CDKN2B-AS1: variants seen among roughly 807,000 people sequenced by gnomAD.
CDKN2B-AS1 encodes the protein CDKN2B and CDKN2A antisense cis and trans regulatory RNA 1, also known as CDKN2B antisense RNA 1 (non-protein coding).
rs1476843085 is a variant in CDKN2B-AS1, at chr9:22,006,296, G to C, written n.29+11135G>C. 6 of 1,598,546 alleles carry C rather than the reference G, an allele frequency of 3.8e-6. No homozygotes were observed. The highest frequency in any genetic ancestry group is 5.1e-6 in the Non-Finnish European group (6 of 1,179,442). ...AGAGCCAGGGTGGGGGCAGGTATGG[G>C]AGATGCCGGCCGGGGCAAGGCAGGT... is the stretch of plus-strand genomic sequence containing the variant. On this transcript the variant is annotated intron_variant and non_coding_transcript_variant, in intron 1 of 4. Transcript: ENST00000650946. The surrounding 1 kb of genome is among the most constrained non-coding windows in gnomAD (Gnocchi z 6.4).
At position 22,017,690 on chromosome 9, in the gene CDKN2B-AS1, C is replaced by T. The variant is rs914566699; in HGVS notation, n.29+22529C>T. Among the ~76,000 whole-genome samples the T allele has an allele frequency of 2.6e-5, 4 of 152,144 alleles. No individual in the cohort carries two copies. The East Asian group carries it at 7.7e-4, about 29-fold the overall frequency. ...TTACCAGAAATTTTTATATGAACAA[C>T]ATATTGAAGTTATTAAGTTAATGAA... is the stretch of plus-strand genomic sequence containing the variant. On this transcript the variant is annotated intron_variant and non_coding_transcript_variant, in intron 1 of 4. Transcript: ENST00000650946.
intron 4 of CDKN2B-AS1, chr9:22,118,373 GA>G (rs1391323535): frequency 6.6e-6 from 1 of 152,106 alleles, no homozygotes; most frequent in Admixed American, 6.6e-5. Flanking sequence ...AGTACCTGAA[GA>G]AAATCATTGC....
chr9:22,036,011 T>C (rs193176067), intron 1 of CDKN2B-AS1, among the ~76,000 whole-genome samples: 423 of 152,252 alleles, frequency 2.8e-3, no homozygotes, highest in African/African-American at 9.8e-3. Flanking sequence ...TTTCCACTAT[T>C]GGAAGGGATG....
intron 4 of CDKN2B-AS1, among the ~76,000 whole-genome samples, chr9:22,126,740 T>G (rs894700412): frequency 5.9e-5 from 9 of 151,928 alleles, no homozygotes; most frequent in Non-Finnish European, 1.3e-4. Flanking sequence ...ACCCGGCTAA[T>G]TTTTTGTATT....
intron 4 of CDKN2B-AS1, among the ~76,000 whole-genome samples, chr9:22,078,307 G>A (rs1324254433): frequency 3.3e-5 from 5 of 151,140 alleles, no homozygotes; most frequent in Admixed American, 6.6e-5. Flanking sequence ...TACTTGACTC[G>A]TATCAAACTT....
At chr9:22,123,822 AG>A (rs1826140634) in intron 4 of CDKN2B-AS1, among the ~76,000 whole-genome samples, 1 of 152,192 alleles carries the variant, frequency 6.6e-6, no homozygotes, top group South Asian at 2.1e-4. Context: ...CAAATGGAGA[AG>A]ACATTCTAAA....
intron 4 of CDKN2B-AS1, among the ~76,000 whole-genome samples, chr9:22,126,314 C>G (rs759799185): frequency 6.6e-6 from 1 of 152,068 alleles, no homozygotes; most frequent in African/African-American, 2.4e-5. Flanking sequence ...GTCGTTTCCT[C>G]TGGAGAATAA....
At chr9:22,008,258 T>A (rs1000932694) in intron 1 of CDKN2B-AS1, among the ~76,000 whole-genome samples, 1 of 152,190 alleles carries the variant, frequency 6.6e-6, no homozygotes, top group Non-Finnish European at 1.5e-5. Flanking sequence ...CTCTTATGCA[T>A]CACTCATAAG....
At chr9:22,040,549 C>G (rs1232181176) in intron 1 of CDKN2B-AS1, among the ~76,000 whole-genome samples, 1 of 151,902 alleles carries the variant, frequency 6.6e-6, no homozygotes, top group Admixed American at 6.6e-5. Flanking sequence ...TGAAGCCAAG[C>G]AGCTGTGCAA....
chr9:22,117,544 C>CTCCTTGCTAA (rs1174798241), intron 4 of CDKN2B-AS1: 1 of 152,152 alleles, frequency 6.6e-6, no homozygotes, highest in Non-Finnish European at 1.5e-5. Flanking sequence ...TCATACATCT[C>CTCCTTGCTAA]GGACTGGTTT....
intron 1 of CDKN2B-AS1, chr9:22,004,511 T>C (rs1821073197): frequency 4.3e-6 from 1 of 232,664 alleles, no homozygotes; most frequent in Non-Finnish European, 8.5e-6. Context: ...TCTCAGGAGT[T>C]AGTGGTAAAC....
intron 1 of CDKN2B-AS1, among the ~76,000 whole-genome samples, chr9:22,022,672 T>C (rs1822063563): frequency 6.6e-6 from 1 of 152,180 alleles, no homozygotes; most frequent in South Asian, 2.1e-4. Context: ...GTCATCATAA[T>C]GCTAGCTGGT....
chr9:22,099,981 A>G (rs1020316406), intron 4 of CDKN2B-AS1, among the ~76,000 whole-genome samples: 1 of 152,290 alleles, frequency 6.6e-6, no homozygotes, highest in South Asian at 2.1e-4. Flanking sequence ...TACATTTGAT[A>G]GTTTGAACTA....
chr9:22,113,399 GA>G (rs1825853977), intron 4 of CDKN2B-AS1, among the ~76,000 whole-genome samples: 1 of 152,200 alleles, frequency 6.6e-6, no homozygotes, highest in Admixed American at 6.5e-5. Context: ...ACCAGCAGAA[GA>G]GGCTTTTAAG....
At chr9:22,126,741 T>C (rs868860304) in intron 4 of CDKN2B-AS1, among the ~76,000 whole-genome samples, 46 of 151,804 alleles carry the variant, frequency 3.0e-4, no homozygotes, top group Middle Eastern at 3.2e-3. Flanking sequence ...CCCGGCTAAT[T>C]TTTTGTATTT....
intron 4 of CDKN2B-AS1, among the ~76,000 whole-genome samples, chr9:22,100,224 G>C (rs563876477): frequency 6.6e-6 from 1 of 152,080 alleles, no homozygotes; most frequent in Non-Finnish European, 1.5e-5. Context: ...ATTTTTAGTA[G>C]AGTCATTGAG....
chr9:22,099,900 C>G (rs922345504), intron 4 of CDKN2B-AS1, among the ~76,000 whole-genome samples: 5 of 152,044 alleles, frequency 3.3e-5, no homozygotes, highest in Non-Finnish European at 7.4e-5. Flanking sequence ...ACACCCGTGG[C>G]TTTTAGTGGG....
chr9:22,008,978 G>C, intron 1 of CDKN2B-AS1: 1 of 1,613,288 alleles, frequency 6.2e-7, no homozygotes, highest in Non-Finnish European at 8.5e-7. Context: ...ACGCGCAGCG[G>C]CCCGGATAAT....
chr9:22,087,020 C>T (rs1337333272), intron 4 of CDKN2B-AS1, among the ~76,000 whole-genome samples: 1 of 152,188 alleles, frequency 6.6e-6, no homozygotes, highest in Non-Finnish European at 1.5e-5. Context: ...CCAAGAGAAC[C>T]CCATTATTGG....
Sources: allele counts gnomAD v4.1 joint callset (sites outside exome capture counted in the v4.1 genomes callset), GRCh38; gene constraint gnomAD v4.1.1; non-coding constraint Gnocchi (gnomAD v3.1); transcripts MANE v1.5; gene names NCBI Gene and HGNC (gene_info 2026-07-23, HGNC 2026-07-21).